Variants in CERS6 observed in about 807,000 individuals in gnomAD.
CERS6 encodes the protein ceramide synthase 6, also known as LAG1 homolog, ceramide synthase 6.
Under a neutral mutation model 56.8 loss-of-function variants are expected in CERS6, and 26 were observed. That is an observed-to-expected ratio of 0.46 (90% CI 0.34 to 0.63). CERS6 has a LOEUF of 0.63. Among genes scored for constraint, CERS6 ranks in the 30% least tolerant of loss-of-function variants. The pLI is 0.01. For synonymous variants in CERS6, 164 were observed against 173.3 expected (o/e 0.95, Z 0.42); for missense variants, 415 against 467.5 (o/e 0.89, Z 1.04).
chr2:168,653,516 G>A (rs1464361129), intron 4 of CERS6, among the ~76,000 whole-genome samples: 1 of 152,172 alleles, frequency 6.6e-6, no homozygotes, highest in Admixed American at 6.5e-5. Flanking sequence ...AAAATTACAT[G>A]ACCTGAGGAC....
chr2:168,764,725 G>A (rs564481522), intron 8 of CERS6, among the ~76,000 whole-genome samples: 2 of 152,130 alleles, frequency 1.3e-5, no homozygotes, highest in South Asian at 2.1e-4. Context: ...CATTCTTCGC[G>A]CTTATTTAAA....
chr2:168,627,740 T>C (rs540738520), intron 3 of CERS6, among the ~76,000 whole-genome samples: 3 of 151,934 alleles, frequency 2.0e-5, no homozygotes, highest in African/African-American at 7.2e-5. Context: ...TCAGTTCACA[T>C]TTTTTTTAGT....
At chr2:168,499,696 C>T (rs1694544256) in intron 1 of CERS6, among the ~76,000 whole-genome samples, 1 of 152,146 alleles carries the variant, frequency 6.6e-6, no homozygotes, top group African/African-American at 2.4e-5. Context: ...TCTAAAACCA[C>T]TTGAGTTAAA....
intron 8 of CERS6, among the ~76,000 whole-genome samples, chr2:168,759,639 GTACT>G (rs1230932540): frequency 6.6e-6 from 1 of 152,168 alleles, no homozygotes; most frequent in African/African-American, 2.4e-5. Context: ...GCCATGCCCT[GTACT>G]TACTTTAGCT....
At chr2:168,663,423 A>T (rs955275241) in intron 4 of CERS6, among the ~76,000 whole-genome samples, 5 of 152,022 alleles carry the variant, frequency 3.3e-5, no homozygotes, top group African/African-American at 4.8e-5. Context: ...TTTATTTTTT[A>T]TTTTTTGTAA....
At chr2:168,517,080 G>T (rs1488271706) in intron 1 of CERS6, among the ~76,000 whole-genome samples, 1 of 152,044 alleles carries the variant, frequency 6.6e-6, no homozygotes, top group Non-Finnish European at 1.5e-5. Flanking sequence ...ACCTGATTTG[G>T]AAGAGTCTTA....
At chr2:168,531,816 GT>G (rs2105362801) in intron 1 of CERS6, among the ~76,000 whole-genome samples, 1 of 144,040 alleles carries the variant, frequency 6.9e-6, no homozygotes, top group East Asian at 2.1e-4. Flanking sequence ...GCGAGACTCT[GT>G]CTCAAAAAAA....
intron 4 of CERS6, among the ~76,000 whole-genome samples, chr2:168,675,160 G>C (rs570817492): frequency 1.1e-3 from 170 of 152,044 alleles, no homozygotes; most frequent in African/African-American, 3.8e-3. Flanking sequence ...TTTTAGTAGA[G>C]ACGGGGTTTC....
At chr2:168,681,813 G>GT (rs1207768453) in intron 4 of CERS6, among the ~76,000 whole-genome samples, 3 of 152,064 alleles carry the variant, frequency 2.0e-5, no homozygotes, top group Non-Finnish European at 2.9e-5. Context: ...CCATCCCCTA[G>GT]TAACCACTAT....
intron 3 of CERS6, among the ~76,000 whole-genome samples, chr2:168,620,433 T>G (rs939830109): frequency 6.6e-6 from 1 of 151,964 alleles, no homozygotes; most frequent in Non-Finnish European, 1.5e-5. Flanking sequence ...ACAAAAAAAG[T>G]TTTTTAAAAA....
At chr2:168,530,065 C>T (rs78016211) in intron 1 of CERS6, among the ~76,000 whole-genome samples, 11,124 of 152,302 alleles carry the variant, frequency 0.073, 530 homozygotes, top group Middle Eastern at 0.15. Flanking sequence ...CCCAGGCCCC[C>T]ACACAGAGTG....
intron 2 of CERS6, among the ~76,000 whole-genome samples, chr2:168,558,714 A>C (rs1477834268): frequency 2.0e-5 from 3 of 151,716 alleles, no homozygotes; most frequent in Non-Finnish European, 4.4e-5. Flanking sequence ...CTAAAAATAC[A>C]AAAAATTAGC....
In CERS6 at chr2:168,630,634, T is replaced by G. The variant is rs527959631; in HGVS notation, c.408-351T>G. 1.1e-3 allele frequency among the ~76,000 whole-genome samples: 163 copies of G among 152,324 alleles called. 1 individual carries two copies. Among genetic ancestry groups the G allele is most frequent in the Non-Finnish European group, 1.7e-3 (115 of 68,010 alleles). Reference sequence around the variant, plus strand: ...AACTCCAGTTGTTAGTTTTGAATTATTTGTCTGATTCAGATATTATACCTT... The same window carrying G: ...AACTCCAGTTGTTAGTTTTGAATTAGTTGTCTGATTCAGATATTATACCTT... On this transcript the variant is annotated intron_variant, in intron 3 of 9. Coordinates refer to ENST00000305747, the MANE Select transcript of CERS6 (RefSeq NM_203463.3).
intron 3 of CERS6, among the ~76,000 whole-genome samples, chr2:168,575,670 G>A (rs905056557): frequency 6.6e-6 from 1 of 152,166 alleles, no homozygotes; most frequent in Non-Finnish European, 1.5e-5. Context: ...TGCCTCTGAA[G>A]CAAAGAAGGG....
At chr2:168,733,982 A>G (rs535537134) in intron 8 of CERS6, among the ~76,000 whole-genome samples, 3 of 152,346 alleles carry the variant, frequency 2.0e-5, no homozygotes, top group African/African-American at 7.2e-5. Context: ...TGAAATTACC[A>G]GTCGCTGTGA....
chr2:168,472,522 A>ATG (rs200377112), intron 1 of CERS6, among the ~76,000 whole-genome samples: 2 of 152,052 alleles, frequency 1.3e-5, no homozygotes, highest in African/African-American at 4.8e-5. Flanking sequence ...ATGCTTAGAT[A>ATG]TGTGTGTGTG....
intron 4 of CERS6, among the ~76,000 whole-genome samples, chr2:168,633,025 A>G (rs751780773): frequency 6.6e-6 from 1 of 152,192 alleles, no homozygotes; most frequent in Non-Finnish European, 1.5e-5. Flanking sequence ...AATAATTTTT[A>G]TCCACCAGTC....
intron 1 of CERS6, among the ~76,000 whole-genome samples, chr2:168,501,630 G>C (rs1694582364): frequency 6.6e-6 from 1 of 152,248 alleles, no homozygotes; most frequent in Non-Finnish European, 1.5e-5. Flanking sequence ...AGTAGTACTA[G>C]TGAAATGGCT....
At chr2:168,490,467 A>T (rs893095225) in intron 1 of CERS6, among the ~76,000 whole-genome samples, 1 of 152,006 alleles carries the variant, frequency 6.6e-6, no homozygotes, top group African/African-American at 2.4e-5. Context: ...ACAAAACAAA[A>T]CTGGAAACTC....
Sources: gnomAD v4.1 joint callset for allele counts (sites outside exome capture counted in the v4.1 genomes callset) on GRCh38, gnomAD v4.1.1 for gene constraint, MANE v1.5 for transcripts, NCBI Gene and HGNC (gene_info 2026-07-23, HGNC 2026-07-21) for gene names.